Variants in BMERB1 observed in about 807,000 individuals in gnomAD.
BMERB1 encodes the protein bMERB domain-containing protein 1.
In BMERB1, 12 loss-of-function variants were observed where a neutral mutation model predicts 23.6. The observed-to-expected ratio is 0.51, with a 90% CI of 0.33 to 0.82. The LOEUF is 0.82. BMERB1 is among the 40% of genes least tolerant of loss of function. The pLI is 0.03. For missense variants in BMERB1, 247 were observed against 255.4 expected (o/e 0.97, Z 0.22); for synonymous variants, 122 against 96.6 (o/e 1.26, Z -1.54).
chr16:15,520,611 G>A (rs946103179), intron 2 of BMERB1, among the ~76,000 whole-genome samples: 1 of 151,472 alleles, frequency 6.6e-6, no homozygotes. Flanking sequence ...AGCCTCCCGA[G>A]TAGCTGGGAC....
At chr16:15,505,193 C>T (rs1443005137) in intron 1 of BMERB1, among the ~76,000 whole-genome samples, 1 of 152,176 alleles carries the variant, frequency 6.6e-6, no homozygotes, top group Non-Finnish European at 1.5e-5. Flanking sequence ...TAAGACCTTT[C>T]CAACGCAAAG....
At chr16:15,474,728 G>C (rs1170594767) in intron 1 of BMERB1, among the ~76,000 whole-genome samples, 1 of 151,630 alleles carries the variant, frequency 6.6e-6, no homozygotes, top group Non-Finnish European at 1.5e-5. Context: ...TTGCTCTATT[G>C]CCCAGGCTGG....
At chr16:15,493,555 C>T (rs1299806205) in intron 1 of BMERB1, among the ~76,000 whole-genome samples, 1 of 152,060 alleles carries the variant, frequency 6.6e-6, no homozygotes, top group Non-Finnish European at 1.5e-5. Flanking sequence ...TGTGGATTTT[C>T]AGTCCGACAT....
chr16:15,443,046 A>C (rs2050954906), intron 1 of BMERB1, among the ~76,000 whole-genome samples: 1 of 151,576 alleles, frequency 6.6e-6, no homozygotes, highest in African/African-American at 2.4e-5. Context: ...TCAGGAGTTC[A>C]AGACCAGCCT....
At chr16:15,459,355 AC>A (rs1048289865) in intron 1 of BMERB1, among the ~76,000 whole-genome samples, 5 of 151,924 alleles carry the variant, frequency 3.3e-5, no homozygotes, top group African/African-American at 4.8e-5. Context: ...AAAAAAAAAA[AC>A]ACCAGGATCC....
At chr16:15,581,062 T>G (rs981979633) in intron 3 of BMERB1, among the ~76,000 whole-genome samples, 155 bp from the exon 4 acceptor site, 2 of 151,966 alleles carry the variant, frequency 1.3e-5, no homozygotes, top group African/African-American at 4.8e-5. Context: ...TCCAGGTGTG[T>G]GCCACCACGC....
chr16:15,549,883 C>A (rs746231946), intron 2 of BMERB1, among the ~76,000 whole-genome samples: 30 of 151,996 alleles, frequency 2.0e-4, no homozygotes, highest in Non-Finnish European at 4.3e-4. Context: ...GGAAAAATGT[C>A]TATTTCCCAT....
At chr16:15,557,767 C>A (rs2030305277) in intron 2 of BMERB1, among the ~76,000 whole-genome samples, 1 of 152,192 alleles carries the variant, frequency 6.6e-6, no homozygotes, top group African/African-American at 2.4e-5. Flanking sequence ...TTACTTGAGG[C>A]TGGACACAGT....
intron 1 of BMERB1, among the ~76,000 whole-genome samples, chr16:15,493,234 GC>G (rs2051439773): frequency 6.8e-6 from 1 of 148,126 alleles, no homozygotes; most frequent in African/African-American, 2.5e-5. Flanking sequence ...TGCCTGTACT[GC>G]CCCCTACTCG....
chr16:15,553,338 G>A (rs1312192300), intron 2 of BMERB1, among the ~76,000 whole-genome samples: 3 of 152,194 alleles, frequency 2.0e-5, no homozygotes, highest in African/African-American at 7.2e-5. Context: ...ACCAAGGCGT[G>A]GTGGCATGCG....
At chr16:15,513,025 C>T (rs981869896) in intron 1 of BMERB1, among the ~76,000 whole-genome samples, 11 of 151,640 alleles carry the variant, frequency 7.3e-5, no homozygotes, top group Non-Finnish European at 1.2e-4. Flanking sequence ...ATCTTGGGGG[C>T]GGGTGTGGAA....
intron 1 of BMERB1, among the ~76,000 whole-genome samples, chr16:15,499,975 G>A (rs2051512194): frequency 6.6e-6 from 1 of 152,158 alleles, no homozygotes; most frequent in East Asian, 1.9e-4. Context: ...ATAGTTAATA[G>A]CAATGTGCCA....
Position 15,557,290 on chromosome 16 carries a change from G to A in BMERB1, c.231-10693G>A, listed in dbSNP as rs563761752. On this transcript the variant is annotated intron_variant, in intron 2 of 5. Coordinates refer to ENST00000300006, the MANE Select transcript of BMERB1 (RefSeq NM_033201.3). ...CTCTCTCTGGAACGAGCCGGCAGCA[G>A]CAGAGTTTGATTTCCAGGTTCAGCC... Among the ~76,000 whole-genome samples, 3 of 152,332 alleles carry A rather than the reference G, an allele frequency of 2.0e-5. No individual in the cohort carries two copies. The South Asian group carries it at 6.2e-4, about 32-fold the overall frequency.
intron 2 of BMERB1, among the ~76,000 whole-genome samples, chr16:15,533,368 T>TA (rs1310322604): frequency 7.2e-5 from 11 of 151,926 alleles, no homozygotes; most frequent in Admixed American, 6.6e-5. Flanking sequence ...TGAAGGATAT[T>TA]ACGTGGAAGA....
At chr16:15,581,192 C>T (rs372694974) in intron 3 of BMERB1, 25 bp from the exon 4 acceptor site, 99 of 1,572,066 alleles carry the variant, frequency 6.3e-5, no homozygotes, top group Non-Finnish European at 8.5e-5. Context: ...GCTCATCTGT[C>T]TCCTTGTTGA....
At chr16:15,450,403 G>A (rs906058690) in intron 1 of BMERB1, among the ~76,000 whole-genome samples, 1 of 152,240 alleles carries the variant, frequency 6.6e-6, no homozygotes, top group African/African-American at 2.4e-5. Context: ...CATTGGTCTG[G>A]GTTTGGTCTG....
At chr16:15,530,903 CTTTTTTTT>C (rs1220558728) in intron 2 of BMERB1, among the ~76,000 whole-genome samples, 2 of 109,250 alleles carry the variant, frequency 1.8e-5, no homozygotes, top group African/African-American at 3.5e-5. Context: ...TTTCTTCTTT[CTTTTTTTT>C]TTTTTTTTTT....
chr16:15,566,772 T>TC (rs1232424584), intron 2 of BMERB1, among the ~76,000 whole-genome samples: 1 of 152,172 alleles, frequency 6.6e-6, no homozygotes, highest in Non-Finnish European at 1.5e-5. Context: ...CATATACTGA[T>TC]ATGGAAAGAT....
rs982778518 is a variant in BMERB1 at position 15,434,628 on chromosome 16, C to T, written c.-26C>T. ...AACGGGAATGGAGTAAAGGGAGACC[C>T]GTCGACCTGGCCACGGGGATCAGCG... On this transcript the variant is annotated 5_prime_UTR_variant, in exon 1 of 6. Transcript: ENST00000300006. 6.9e-6 allele frequency: 11 copies of T among 1,599,346 alleles called. No individual in the cohort carries two copies. Among genetic ancestry groups the T allele is most frequent in the Admixed American group, 1.7e-5 (1 of 59,980 alleles).
Sources: gnomAD v4.1 joint callset for allele counts (sites outside exome capture counted in the v4.1 genomes callset) on GRCh38, gnomAD v4.1.1 for gene constraint, MANE v1.5 for transcripts, NCBI Gene and HGNC (gene_info 2026-07-23, HGNC 2026-07-21) for gene names.